The following PHF24 variants were observed in gnomAD, a reference collection of about 807,000 sequenced individuals.
PHF24 encodes the protein PHD finger protein 24.
In PHF24, 25 loss-of-function variants were observed where a neutral mutation model predicts 42.6. The ratio of observed to expected loss-of-function variants is 0.59; its 90% CI spans 0.43 to 0.82. PHF24 has a LOEUF of 0.82. Among genes scored for constraint, PHF24 ranks in the 40% least tolerant of loss-of-function variants. The probability of loss-of-function intolerance (pLI) is 0.00; values close to 1 mark genes in which losing one functional copy is unlikely to be tolerated. For missense variants in PHF24, 470 were observed against 538.1 expected (o/e 0.87, Z 1.25); for synonymous variants, 185 against 204.8 (o/e 0.90, Z 0.83).
chr9:34,838,522 C>T, the PHF24 span: 2 of 1,315,856 alleles, frequency 1.5e-6, no homozygotes, highest in Non-Finnish European at 1.1e-6. Flanking sequence ...ATGAGATCAG[C>T]CATCCCTCTA....
chr9:34,906,237 G>C, the PHF24 span, among the ~76,000 whole-genome samples: 1 of 152,264 alleles, frequency 6.6e-6, no homozygotes, highest in Non-Finnish European at 1.5e-5. Context: ...TCCTGAGAAA[G>C]TGTGCCTGCC....
chr9:34,942,862 AG>A, the PHF24 span, among the ~76,000 whole-genome samples: 7,001 of 150,990 alleles, frequency 0.046, 260 homozygotes, highest in Non-Finnish European at 0.065. Context: ...GATGGGGGGC[AG>A]GGGGGAGGCA....
chr9:34,760,110 G>C, the PHF24 span, among the ~76,000 whole-genome samples: 1 of 152,180 alleles, frequency 6.6e-6, no homozygotes, highest in Non-Finnish European at 1.5e-5. Context: ...CGGGGATGAA[G>C]TACACGAAAA....
At chr9:34,729,127 G>A in the PHF24 span, among the ~76,000 whole-genome samples, 6 of 152,134 alleles carry the variant, frequency 3.9e-5, no homozygotes, top group African/African-American at 1.4e-4. Flanking sequence ...GGAAGGGCCT[G>A]GTAAGGAATT....
chr9:34,936,801 C>T, the PHF24 span, among the ~76,000 whole-genome samples: 1 of 151,114 alleles, frequency 6.6e-6, no homozygotes, highest in South Asian at 2.1e-4. Context: ...CCCAGCCGCC[C>T]CGTCTGAGAA....
the PHF24 span, among the ~76,000 whole-genome samples, chr9:34,749,409 T>C: frequency 6.6e-6 from 1 of 152,086 alleles, no homozygotes; most frequent in Non-Finnish European, 1.5e-5. Context: ...TCAAGGCATT[T>C]AATAATCAAA....
the PHF24 span, among the ~76,000 whole-genome samples, chr9:34,739,046 C>T: frequency 1.3e-5 from 2 of 152,128 alleles, no homozygotes; most frequent in African/African-American, 4.8e-5. Context: ...TTTCATGTAC[C>T]ATGATTCTGG....
the PHF24 span, among the ~76,000 whole-genome samples, chr9:34,730,526 G>A: frequency 2.0e-5 from 3 of 152,206 alleles, no homozygotes; most frequent in Non-Finnish European, 4.4e-5. Flanking sequence ...TCAGCCCTAA[G>A]CTGGGGAGTG....
At chr9:34,704,429 G>T in the PHF24 span, among the ~76,000 whole-genome samples, 1 of 152,176 alleles carries the variant, frequency 6.6e-6, no homozygotes, top group Non-Finnish European at 1.5e-5. Context: ...GAAGCAGGAG[G>T]AGATTCTGAG....
the PHF24 span, among the ~76,000 whole-genome samples, chr9:34,740,477 G>A: frequency 6.6e-6 from 1 of 152,226 alleles, no homozygotes; most frequent in Non-Finnish European, 1.5e-5. Context: ...CCGCTGGCCT[G>A]GGTGCTAAGC....
chr9:34,907,364 G>A, the PHF24 span, among the ~76,000 whole-genome samples: 23 of 152,088 alleles, frequency 1.5e-4, no homozygotes, highest in South Asian at 1.9e-3. Context: ...TACCACACTG[G>A]GTTATTCAGT....
the PHF24 span, among the ~76,000 whole-genome samples, chr9:34,685,545 C>A: frequency 6.6e-6 from 1 of 152,184 alleles, no homozygotes; most frequent in South Asian, 2.1e-4. Context: ...AGCTTTTCTA[C>A]CCCAACTAGA....
the PHF24 span, among the ~76,000 whole-genome samples, chr9:34,935,719 G>T: frequency 6.8e-6 from 1 of 147,998 alleles, no homozygotes; most frequent in Non-Finnish European, 1.5e-5. Context: ...GTGGAATAAA[G>T]GAGTGTATTT....
At chr9:34,807,082 A>G in the PHF24 span, among the ~76,000 whole-genome samples, 1 of 152,108 alleles carries the variant, frequency 6.6e-6, no homozygotes, top group African/African-American at 2.4e-5. Context: ...TACAATGTTG[A>G]GTATAAGTGG....
the PHF24 span, among the ~76,000 whole-genome samples, chr9:34,719,597 G>A: frequency 6.6e-6 from 1 of 152,200 alleles, no homozygotes; most frequent in African/African-American, 2.4e-5. Context: ...TGGGACTTTA[G>A]TTAGCAGCAT....
At chr9:34,814,160 T>A in the PHF24 span, among the ~76,000 whole-genome samples, 1 of 152,224 alleles carries the variant, frequency 6.6e-6, no homozygotes. Context: ...TTAAGCATAA[T>A]TTGTGGGGGT....
chr9:34,735,139 T>C, the PHF24 span, among the ~76,000 whole-genome samples: 30 of 147,056 alleles, frequency 2.0e-4, no homozygotes, highest in African/African-American at 1.7e-4. Context: ...TTTTCTTTTT[T>C]TTTTTTTTTT....
At chr9:34,913,776 G>C in the PHF24 span, among the ~76,000 whole-genome samples, 35 of 152,284 alleles carry the variant, frequency 2.3e-4, no homozygotes, top group African/African-American at 8.2e-4. Flanking sequence ...GGTAAAGAGA[G>C]CAAGGAGCAT....
the PHF24 span, among the ~76,000 whole-genome samples, chr9:34,711,786 G>T: frequency 1.3e-5 from 2 of 151,870 alleles, no homozygotes; most frequent in Admixed American, 1.3e-4. Context: ...CAAATGATCC[G>T]CTCACCTTGG....
Sources: gnomAD v4.1 joint callset for allele counts (sites outside exome capture counted in the v4.1 genomes callset) on GRCh38, gnomAD v4.1.1 for gene constraint, MANE v1.5 for transcripts, NCBI Gene and HGNC (gene_info 2026-07-23, HGNC 2026-07-21) for gene names.